Variants in SNAP29 observed in about 807,000 individuals in gnomAD.
SNAP29 encodes synaptosome associated protein 29.
SNAP29 carries 13 observed loss-of-function variants against 27.9 expected under a neutral mutation model. The observed-to-expected ratio is 0.47, with a 90% confidence interval of 0.30 to 0.74. The LOEUF (loss-of-function observed/expected upper bound fraction) is 0.74, where lower values mean the gene tolerates loss of function less well. SNAP29 is among the 30% of genes least tolerant of loss of function. The pLI, the probability that SNAP29 is intolerant of heterozygous loss-of-function variation, is 0.06. For synonymous variants in SNAP29, 119 were observed against 127.1 expected (o/e 0.94, Z 0.43); for missense variants, 368 against 336.5 (o/e 1.09, Z -0.73).
chr22:20,875,708 A>G (rs1928723472), intron 2 of SNAP29, among the ~76,000 whole-genome samples: 1 of 152,188 alleles, frequency 6.6e-6, no homozygotes, highest in African/African-American at 2.4e-5. Context: ...TTATCCCAAC[A>G]TTTTATAAGG....
intron 2 of SNAP29, among the ~76,000 whole-genome samples, chr22:20,872,253 T>A (rs1043219699): frequency 4.6e-5 from 7 of 152,164 alleles, no homozygotes; most frequent in African/African-American, 1.7e-4. Context: ...TTATTTATTT[T>A]TTTTGAGATG....
At position 20,881,131 on chromosome 22, in the gene SNAP29, A is replaced by C; in HGVS notation, c.517A>C (p.Thr173Pro). 6.2e-7 allele frequency: 1 copy of C among 1,602,998 alleles called. No homozygotes were observed. Among genetic ancestry groups the C allele is most frequent in the South Asian group, 1.1e-5 (1 of 90,828 alleles). The change falls in exon 3 of 5, where the codon ACA becomes CCA. Residue 173 changes from threonine to proline, a missense_variant. By Grantham distance (38) the Thr-to-Pro change is conservative. Coordinates refer to ENST00000215730, the MANE Select transcript of SNAP29 (RefSeq NM_004782.4). Reference sequence around the variant, plus strand: ...CCCAAACCTTAGAAAGCTGGATGATACAGGTAAGTGGATACCTGTGTGCAC... The same window carrying C: ...CCCAAACCTTAGAAAGCTGGATGATCCAGGTAAGTGGATACCTGTGTGCAC... ...SHPNLRKLDD[T>P]DPVPRGAGSA...
At chr22:20,859,963 C>T (rs1002996041) in intron 1 of SNAP29, among the ~76,000 whole-genome samples, 4 of 152,186 alleles carry the variant, frequency 2.6e-5, no homozygotes, top group African/African-American at 9.7e-5. Context: ...CTTCCCAAAT[C>T]CTAGACAAAT....
Position 20,870,482 on chromosome 22 carries a change from T to G in SNAP29, c.383T>G (p.Val128Gly), listed in dbSNP as rs200401477. Residue 128 changes from valine to glycine, a missense_variant, in exon 2 of 5, where the codon GTA becomes GGA. Coordinates refer to ENST00000215730, the MANE Select transcript of SNAP29 (RefSeq NM_004782.4). ...GTCAATTACTTCAAATCCAAACCAG[T>G]AGAGACCCCACCTGAACAGAATGGC... ...GLVNYFKSKP[V>G]ETPPEQNGTL... 12 of 1,613,988 alleles carry G rather than the reference T, an allele frequency of 7.4e-6. No homozygotes were observed. Among genetic ancestry groups the G allele is most frequent in the Non-Finnish European group, 9.3e-6 (11 of 1,180,000 alleles).
At chr22:20,882,490 C>A (rs1184073582) in intron 3 of SNAP29, among the ~76,000 whole-genome samples, 3 of 152,112 alleles carry the variant, frequency 2.0e-5, no homozygotes, top group Admixed American at 6.6e-5. Flanking sequence ...GAAAACGATA[C>A]ACCATGGAAG....
Position 20,889,990 on chromosome 22 carries a change from T to C in SNAP29, c.*2154T>C. On this transcript the variant is annotated 3_prime_UTR_variant, in exon 5 of 5. Transcript: ENST00000215730. ...CCAGGTATATGGAAGGGGAGTTGCC[T>C]TCACTTTTCTGGAAATTTGTCTTCG... 3.0e-6 allele frequency: 1 copy of C among 332,448 alleles called. No individual in the cohort carries two copies. Among genetic ancestry groups the C allele is most frequent in the Non-Finnish European group, 5.4e-6 (1 of 185,172 alleles). 20.6% of individuals were successfully genotyped at this position (332,448 alleles called of 1,614,324 possible).
intron 4 of SNAP29, among the ~76,000 whole-genome samples, chr22:20,886,902 T>C (rs1287946552): frequency 6.6e-6 from 1 of 151,892 alleles, no homozygotes; most frequent in African/African-American, 2.4e-5. Context: ...CATGAGCCAT[T>C]GTACCCGGCC....
rs945925258 is a variant in SNAP29 at position 20,879,306 on chromosome 22, C to CA, written c.435-1726dup. On this transcript the variant is annotated intron_variant, in intron 2 of 4. Transcript: ENST00000215730. ...TGGGCAACAGAGTGAGACTCCATCT[C>CA]AAAAAAAAAAAAAAAAAGTAATAGG... is the stretch of plus-strand genomic sequence containing the variant. Among the ~76,000 whole-genome samples, 592 of 78,912 alleles carry CA rather than the reference C, an allele frequency of 7.5e-3. 2 individuals are homozygous for CA. The highest frequency in any genetic ancestry group is 9.6e-3 in the Non-Finnish European group (362 of 37,792). 51.8% of individuals were successfully genotyped at this position (78,912 alleles called of 152,430 possible).
Position 20,888,026 on chromosome 22 carries a change from C to A in SNAP29, c.*190C>A, listed in dbSNP as rs1929061211. On this transcript the variant is annotated 3_prime_UTR_variant, in exon 5 of 5. Coordinates refer to ENST00000215730, the MANE Select transcript of SNAP29 (RefSeq NM_004782.4). ...GTCCCACATTTTCCTAGGGTTAACA[C>A]CTCACCAAGTTCTTCCAGCAAAATG... The A allele has an allele frequency of 3.3e-6, 2 of 613,748 alleles. No individual in the cohort carries two copies. The highest frequency in any genetic ancestry group is 5.7e-6 in the Non-Finnish European group (2 of 351,322). 38.0% of individuals were successfully genotyped at this position (613,748 alleles called of 1,614,324 possible).
intron 1 of SNAP29, among the ~76,000 whole-genome samples, chr22:20,865,847 CAG>C (rs1182299977): frequency 6.6e-6 from 1 of 152,242 alleles, no homozygotes; most frequent in East Asian, 1.9e-4. Flanking sequence ...ACAACACACA[CAG>C]AGTATTGTCA....
At chr22:20,860,822 C>A (rs1928296619) in intron 1 of SNAP29, among the ~76,000 whole-genome samples, 1 of 152,112 alleles carries the variant, frequency 6.6e-6, no homozygotes, top group South Asian at 2.1e-4. Context: ...CTGAGGTAGG[C>A]AGATCATTTT....
chr22:20,859,499 A>G (rs1928174477), intron 1 of SNAP29, 152 bp downstream of exon 1: 10 of 685,690 alleles, frequency 1.5e-5, no homozygotes, highest in Non-Finnish European at 2.7e-5. Context: ...ACAATCTGTT[A>G]ACTATGTAAA....
At chr22:20,885,124 G>A (rs763573133) in intron 4 of SNAP29, among the ~76,000 whole-genome samples, 41 of 152,260 alleles carry the variant, frequency 2.7e-4, no homozygotes, top group Non-Finnish European at 5.1e-4. Context: ...ATTCAAGTAG[G>A]TGTTGGCCTG....
At position 20,859,053 on chromosome 22, in the gene SNAP29, C is replaced by T. The variant is rs552560669; in HGVS notation, c.-58C>T. ...TCGGCGGGCGGGGCGAGGCCCTGGA[C>T]GGCGGCGGCAGTGGGGCTCCTCCTT... On this transcript the variant is annotated 5_prime_UTR_variant, in exon 1 of 5. It adds an upstream start codon to the 5' untranslated region. Coordinates refer to ENST00000215730, the MANE Select transcript of SNAP29 (RefSeq NM_004782.4). 2.0e-5 allele frequency: 29 copies of T among 1,453,118 alleles called. No individual in the cohort carries two copies. The highest frequency in any genetic ancestry group is 2.4e-5 in the South Asian group (2 of 84,034). 90.0% of individuals were successfully genotyped at this position (1,453,118 alleles called of 1,614,324 possible).
At chr22:20,871,142 G>A (rs1419005203) in intron 2 of SNAP29, 3 of 149,744 alleles carry the variant, frequency 2.0e-5, no homozygotes, top group Non-Finnish European at 4.4e-5. Flanking sequence ...AAAAAAAAAA[G>A]TCTTTATGTC....
chr22:20,883,411 G>T, intron 3 of SNAP29, 60 bp from the exon 4 acceptor site: 1 of 1,114,934 alleles, frequency 9.0e-7, no homozygotes, highest in Non-Finnish European at 1.4e-6. Context: ...TTGGGTGTGT[G>T]AAGCAGCATT....
intron 1 of SNAP29, among the ~76,000 whole-genome samples, chr22:20,862,636 C>T (rs13058187): frequency 0.029 from 4,425 of 152,244 alleles, 90 homozygotes; most frequent in South Asian, 0.12. Flanking sequence ...TCTTTCTATG[C>T]AGTGGGGACA....
At chr22:20,876,568 C>CTTTTT (rs144163820) in intron 2 of SNAP29, among the ~76,000 whole-genome samples, 1 of 117,140 alleles carries the variant, frequency 8.5e-6, no homozygotes, top group Non-Finnish European at 1.8e-5. Context: ...CACTTAAAAG[C>CTTTTT]TTTTTTTTTT....
intron 2 of SNAP29, among the ~76,000 whole-genome samples, chr22:20,873,964 C>CAAAAA (rs362036): frequency 1.2e-4 from 3 of 25,976 alleles, no homozygotes; most frequent in African/African-American, 1.7e-4. Flanking sequence ...GACTCTGTCT[C>CAAAAA]AAAAAAAAAA....
Sources: gnomAD v4.1 joint callset for allele counts (sites outside exome capture counted in the v4.1 genomes callset) on GRCh38, gnomAD v4.1.1 for gene constraint, MANE v1.5 for transcripts, NCBI Gene and HGNC (gene_info 2026-07-23, HGNC 2026-07-21) for gene names.